ACVR2B: variants seen among roughly 807,000 people sequenced by gnomAD.
ACVR2B encodes activin receptor type-2B.
In ACVR2B, 18 loss-of-function variants were observed where a neutral mutation model predicts 65.1. The observed-to-expected ratio is 0.28, with a 90% CI of 0.19 to 0.41. The LOEUF (loss-of-function observed/expected upper bound fraction) is 0.41. Ranked by LOEUF, ACVR2B falls within the 10% of genes least tolerant of loss-of-function variation. The pLI is 1.00. For synonymous variants in ACVR2B, 298 were observed against 277.7 expected (o/e 1.07, Z -0.73); for missense variants, 482 against 682.7 (o/e 0.71, Z 3.28).
chr3:38,478,190 C>T lies in ACVR2B; in HGVS notation c.420C>T (p.Ala140=). The change falls in exon 4 of 11, where the codon GCC becomes GCT. Residue 140 remains alanine (A), a synonymous_variant. Transcript: ENST00000352511. The part of the protein sequence containing the change: ...PTAPTLLTVL[A]YSLLPIGGLS... ...CCCCCACCCTGCTCACGGTGCTGGC[C>T]TACTCACTGCTGCCCATCGGGGGCC... 6.2e-7 allele frequency: 1 copy of T among 1,613,778 alleles called. No individual in the cohort carries two copies. The highest frequency in any genetic ancestry group is 1.7e-4 in the Middle Eastern group (1 of 5,804).
In ACVR2B at chr3:38,490,730, C is replaced by G. The variant is rs1710196563; in HGVS notation, c.*7398C>G. 6.6e-6 allele frequency: 1 copy of G among 152,622 alleles called. No homozygotes were observed. Among genetic ancestry groups the G allele is most frequent in the East Asian group, 1.9e-4 (1 of 5,200 alleles). 9.5% of individuals were successfully genotyped at this position (152,622 alleles called of 1,614,324 possible). A position where few individuals can be genotyped will look rare whatever the true frequency, so the allele number is the denominator to read the frequency against. ...TGAACAGTGTCGCCATCTGGGTCCT[C>G]TTGATACTGCAGACTTTTAACGTAC... On this transcript the variant is annotated 3_prime_UTR_variant, in exon 11 of 11. Coordinates refer to ENST00000352511, the MANE Select transcript of ACVR2B (RefSeq NM_001106.4).
Position 38,482,229 on chromosome 3 carries a change from T to C in ACVR2B, c.1106T>C (p.Val369Ala), listed in dbSNP as rs1575589769. The C allele has an allele frequency of 1.2e-6, 2 of 1,613,504 alleles. No individual in the cohort carries two copies. Among genetic ancestry groups the C allele is most frequent in the Admixed American group, 3.3e-5 (2 of 59,936 alleles). Residue 369 changes from valine (V) to alanine (A), a missense_variant, in exon 9 of 11, where the codon GTG (valine) becomes GCG (alanine). Val to Ala is a moderately conservative substitution (Grantham distance 64, BLOSUM62 0). Coordinates refer to ENST00000352511, the MANE Select transcript of ACVR2B (RefSeq NM_001106.4). ...ACGAGACGGTACATGGCTCCTGAGG[T>C]GCTCGAGGGAGCCATCAACTTCCAG... The part of the protein sequence containing the change: ...VGTRRYMAPE[V>A]LEGAINFQRD...
intron 1 of ACVR2B, among the ~76,000 whole-genome samples, chr3:38,456,896 T>C (rs893279144): frequency 6.6e-6 from 1 of 152,178 alleles, no homozygotes; most frequent in African/African-American, 2.4e-5. Flanking sequence ...TTCCATGAGA[T>C]GGAATGAACT....
In ACVR2B at chr3:38,486,192, G is replaced by T. The variant is rs1043272832; in HGVS notation, c.*2860G>T. On this transcript the variant is annotated 3_prime_UTR_variant, in exon 11 of 11. Transcript: ENST00000352511. ...CTCAGCCACTATAGTGTCCCTGTGG[G>T]GCCTTGCCATCAGATTGTGTGTCAG... The T allele has an allele frequency of 3.3e-5, 5 of 152,266 alleles. No homozygotes were observed. The highest frequency in any genetic ancestry group is 1.2e-4 in the African/African-American group (5 of 41,426). 9.4% of individuals were successfully genotyped at this position (152,266 alleles called of 1,614,324 possible). A position where few individuals can be genotyped will look rare whatever the true frequency, so the allele number is the denominator to read the frequency against.
At chr3:38,479,032 G>A in intron 5 of ACVR2B, 96 bp from the exon 6 acceptor site, 1 of 1,530,690 alleles carries the variant, frequency 6.5e-7, no homozygotes, top group Non-Finnish European at 9.0e-7. Context: ...GCTTGAGGGT[G>A]GGGAATGGGG....
intron 1 of ACVR2B, among the ~76,000 whole-genome samples, chr3:38,467,597 A>AT (rs1441178678): frequency 6.6e-6 from 1 of 152,048 alleles, no homozygotes; most frequent in East Asian, 1.9e-4. Flanking sequence ...CAAAAAAAAA[A>AT]AAATTAGCCG....
chr3:38,459,609 G>A (rs532812297), intron 1 of ACVR2B: 3 of 985,444 alleles, frequency 3.0e-6, no homozygotes, highest in African/African-American at 1.7e-5. Flanking sequence ...GCCATGTGGC[G>A]CTCCGGGGAG....
rs1239256532 is a variant in ACVR2B, at chr3:38,489,767, GA to G, written c.*6438del. 1 of 152,374 alleles carries G rather than the reference GA, an allele frequency of 6.6e-6. No homozygotes were observed. Among genetic ancestry groups the G allele is most frequent in the Non-Finnish European group, 1.5e-5 (1 of 68,040 alleles). The allele number at this position is 152,374 out of a possible 1,614,324, so 9.4% of individuals were successfully genotyped here. ...AATAAGATTCAGGTACAAAAACTTT[GA>G]AATGAGAATCTGGTGGTTTGAGTAA... On this transcript the variant is annotated 3_prime_UTR_variant, in exon 11 of 11. Coordinates refer to ENST00000352511, the MANE Select transcript of ACVR2B (RefSeq NM_001106.4).
At chr3:38,456,041 TAGGC>T (rs1451287638) in intron 1 of ACVR2B, among the ~76,000 whole-genome samples, 1 of 152,146 alleles carries the variant, frequency 6.6e-6, no homozygotes, top group Non-Finnish European at 1.5e-5. Flanking sequence ...CCTCCCTCCT[TAGGC>T]AGGGCAGGGC....
In ACVR2B at chr3:38,477,976, G is replaced by A; in HGVS notation, c.370+6G>A. 1.9e-6 allele frequency: 3 copies of A among 1,613,934 alleles called. No individual in the cohort carries two copies. The highest frequency in any genetic ancestry group is 2.2e-5 in the East Asian group (1 of 44,874). On this transcript the variant is annotated splice_donor_region_variant and intron_variant, in intron 3 of 10. Coordinates refer to ENST00000352511, the MANE Select transcript of ACVR2B (RefSeq NM_001106.4). This position sits in a 1 kb window ranked among gnomAD's most constrained non-coding sequence, Gnocchi z 6.7. The stretch of plus-strand genomic sequence containing the variant: ...AGAGGCTGGGGGCCCGGAAGGTAAG[G>A]GGGCAGTGTGGAAGTGGGGCCTTGA...
At chr3:38,469,075 G>T (rs1709778567) in intron 1 of ACVR2B, among the ~76,000 whole-genome samples, 2 of 152,212 alleles carry the variant, frequency 1.3e-5, no homozygotes, top group Non-Finnish European at 2.9e-5. Context: ...TCTGAAGGCA[G>T]ATGGAGCTCC....
intron 1 of ACVR2B, among the ~76,000 whole-genome samples, chr3:38,455,233 CCT>C (rs1709527130): frequency 1.3e-5 from 2 of 152,110 alleles, no homozygotes; most frequent in African/African-American, 2.4e-5. Flanking sequence ...CACCGATTTC[CCT>C]CTCTCAGTGG....
Position 38,483,251 on chromosome 3 carries a change from C to T in ACVR2B, c.1458C>T (p.Asn486=), listed in dbSNP as rs1046048. The change falls in exon 11 of 11, where the codon AAC becomes AAT. Residue 486 remains asparagine, a synonymous_variant. Transcript: ENST00000352511. This position sits in a 1 kb window ranked among gnomAD's most constrained non-coding sequence, Gnocchi z 4.8. The part of the protein sequence containing the change: ...ERVSLIRRSV[N]GTTSDCLVSL... ...TGTCCCTGATTCGGAGGTCGGTCAA[C>T]GGCACTACCTCGGACTGTCTCGTTT... is the stretch of plus-strand genomic sequence containing the variant. The T allele has an allele frequency of 0.53, 848,200 of 1,613,586 alleles. 232,022 individuals carry two copies. Among genetic ancestry groups the T allele is most frequent in the Non-Finnish European group, 0.57 (670,023 of 1,179,852 alleles).
At chr3:38,465,376 T>G (rs1709710794) in intron 1 of ACVR2B, among the ~76,000 whole-genome samples, 2 of 123,102 alleles carry the variant, frequency 1.6e-5, no homozygotes, top group East Asian at 2.3e-4. Context: ...CCAGCCTGGG[T>G]GACAGAATGA....
intron 1 of ACVR2B, among the ~76,000 whole-genome samples, chr3:38,462,875 T>A (rs186772541): frequency 6.6e-6 from 1 of 152,268 alleles, no homozygotes; most frequent in Admixed American, 6.5e-5. Flanking sequence ...TATTTATTTT[T>A]TGAGGCTACC....
At position 38,481,272 on chromosome 3, in the gene ACVR2B, C is replaced by G; in HGVS notation, c.960-79C>G. The stretch of plus-strand genomic sequence containing the variant: ...TGGTCTGGGGCCTGACTCTAGGGCA[C>G]AGACTCTAGTATCTTGGGAACCAAG... On this transcript the variant is annotated intron_variant, in intron 7 of 10. Transcript: ENST00000352511. This position sits in a 1 kb window ranked among gnomAD's most constrained non-coding sequence, Gnocchi z 4.7. 8.0e-7 allele frequency: 1 copy of G among 1,248,566 alleles called. No individual in the cohort carries two copies. The highest frequency in any genetic ancestry group is 1.2e-6 in the Non-Finnish European group (1 of 849,650). The allele number at this position is 1,248,566 out of a possible 1,614,324, so 77.3% of individuals were successfully genotyped here.
At chr3:38,459,482 C>A (rs1169990977) in intron 1 of ACVR2B, 49 of 558,578 alleles carry the variant, frequency 8.8e-5, no homozygotes, top group Non-Finnish European at 1.1e-4. Context: ...CTCTGCCTGC[C>A]CAGCAGCCCC....
intron 1 of ACVR2B, among the ~76,000 whole-genome samples, chr3:38,460,879 C>T (rs1417469060): frequency 6.6e-6 from 1 of 152,180 alleles, no homozygotes; most frequent in African/African-American, 2.4e-5. Flanking sequence ...AAAATTAGTT[C>T]TGGAGAAGGA....
rs1055163868 is a variant in ACVR2B at position 38,492,806 on chromosome 3, A to C, written c.*9474A>C. 3 of 89,564 alleles carry C rather than the reference A, an allele frequency of 3.3e-5. No homozygotes were observed. The Admixed American group carries it at 4.3e-4, about 13-fold the overall frequency. 5.5% of individuals were successfully genotyped at this position (89,564 alleles called of 1,614,324 possible). On this transcript the variant is annotated 3_prime_UTR_variant, in exon 11 of 11. Transcript: ENST00000352511. ...CACACACACACACACACACACACAT[A>C]CACCTAAAATGGCCTAAAGCAGACA...
Sources: gnomAD v4.1 joint callset for allele counts (sites outside exome capture counted in the v4.1 genomes callset) on GRCh38, gnomAD v4.1.1 for gene constraint, Gnocchi (gnomAD v3.1) non-coding constraint, MANE v1.5 for transcripts, NCBI Gene and HGNC (gene_info 2026-07-23, HGNC 2026-07-21) for gene names.